The following SBF2 variants were observed in gnomAD, a reference collection of about 807,000 sequenced individuals.
SBF2 encodes myotubularin-related protein 13.
In SBF2, 112 loss-of-function variants were observed where a neutral mutation model predicts 225.2. That is an observed-to-expected ratio of 0.50 (90% CI 0.43 to 0.58). The LOEUF is 0.58. SBF2 is among the 20% of genes least tolerant of loss of function. The probability of loss-of-function intolerance (pLI) is 0.00; values close to 1 mark genes in which losing one functional copy is unlikely to be tolerated. For synonymous variants in SBF2, 763 were observed against 773.3 expected (o/e 0.99, Z 0.22); for missense variants, 1,996 against 2,206.2 (o/e 0.90, Z 1.91).
intron 1 of SBF2, among the ~76,000 whole-genome samples, chr11:10,214,417 A>G (rs893277334): frequency 3.9e-5 from 6 of 152,140 alleles, no homozygotes; most frequent in African/African-American, 1.2e-4. Context: ...AGGTCAGGAG[A>G]TCCAGACCAT....
intron 2 of SBF2, among the ~76,000 whole-genome samples, chr11:10,137,230 G>GT (rs1295140840): frequency 2.0e-5 from 3 of 152,236 alleles, no homozygotes; most frequent in Non-Finnish European, 2.9e-5. Context: ...AATACAATTA[G>GT]TTTTTGTACG....
chr11:9,926,567 TAGAA>T (rs1565013595), intron 16 of SBF2, among the ~76,000 whole-genome samples: 1 of 152,110 alleles, frequency 6.6e-6, no homozygotes, highest in East Asian at 1.9e-4. Flanking sequence ...TGATAGAAGT[TAGAA>T]AGCATTAAGA....
intron 1 of SBF2, among the ~76,000 whole-genome samples, chr11:10,227,847 A>G (rs914870592): frequency 2.1e-3 from 315 of 151,616 alleles, no homozygotes; most frequent in Non-Finnish European, 2.9e-3. Flanking sequence ...GTTTTTTCCA[A>G]TTCTGTGAAG....
chr11:9,824,260 TTGAAA>T (rs1854937024), intron 28 of SBF2, among the ~76,000 whole-genome samples: 2 of 151,890 alleles, frequency 1.3e-5, no homozygotes, highest in African/African-American at 4.8e-5. Context: ...GATAGTGTAG[TTGAAA>T]AAGATTGTTA....
At chr11:10,250,505 T>C (rs1288179960) in intron 1 of SBF2, among the ~76,000 whole-genome samples, 1 of 152,176 alleles carries the variant, frequency 6.6e-6, no homozygotes, top group South Asian at 2.1e-4. Flanking sequence ...TTGTGAAAAT[T>C]AGTTTAAAAC....
chr11:10,207,521 C>G (rs1957789698), intron 1 of SBF2, among the ~76,000 whole-genome samples: 1 of 152,084 alleles, frequency 6.6e-6, no homozygotes, highest in Non-Finnish European at 1.5e-5. Flanking sequence ...CATGCTTATT[C>G]CAACAACCTT....
intron 3 of SBF2, among the ~76,000 whole-genome samples, chr11:10,033,394 T>C (rs1229857286): frequency 6.6e-6 from 1 of 152,108 alleles, no homozygotes; most frequent in African/African-American, 2.4e-5. Flanking sequence ...TTCTTAAAGC[T>C]GCTCTTCAAT....
At chr11:9,951,384 G>A (rs914776845) in intron 16 of SBF2, among the ~76,000 whole-genome samples, 1 of 152,194 alleles carries the variant, frequency 6.6e-6, no homozygotes, top group African/African-American at 2.4e-5. Context: ...AAATGGGTCA[G>A]GATGGAGGTA....
At chr11:10,258,765 A>G (rs936838352) in intron 1 of SBF2, among the ~76,000 whole-genome samples, 15 of 152,190 alleles carry the variant, frequency 9.9e-5, no homozygotes, top group Non-Finnish European at 2.9e-5. Context: ...CATTCACTAC[A>G]TAGTCTGCCT....
intron 1 of SBF2, among the ~76,000 whole-genome samples, chr11:10,260,245 T>A (rs186654466): frequency 2.0e-5 from 3 of 152,310 alleles, no homozygotes; most frequent in Admixed American, 2.0e-4. Flanking sequence ...TCATCTTTCA[T>A]AAGTAATTAT....
chr11:10,123,607 G>A (rs1316895775), intron 2 of SBF2, among the ~76,000 whole-genome samples: 1 of 151,560 alleles, frequency 6.6e-6, no homozygotes, highest in Non-Finnish European at 1.5e-5. Context: ...AATGGTTATA[G>A]ATCTCCACTA....
chr11:9,947,150 A>G (rs895531461), intron 16 of SBF2, among the ~76,000 whole-genome samples: 4 of 152,226 alleles, frequency 2.6e-5, no homozygotes, highest in Non-Finnish European at 4.4e-5. Context: ...CCTATGGACA[A>G]CTATAATCAA....
At chr11:9,908,593 C>G (rs71463738) in intron 16 of SBF2, among the ~76,000 whole-genome samples, 55,391 of 151,808 alleles carry the variant, frequency 0.36, 10,970 homozygotes, top group African/African-American at 0.53. Flanking sequence ...CGCTACTGCA[C>G]TCCAGCCTAG....
intron 2 of SBF2, among the ~76,000 whole-genome samples, chr11:10,193,383 C>G (rs1345929755): frequency 2.6e-5 from 3 of 116,238 alleles, no homozygotes; most frequent in African/African-American, 9.9e-5. Flanking sequence ...GAGAGGGAGT[C>G]TTGCTCTGTC....
At chr11:10,179,080 A>G (rs1956608114) in intron 2 of SBF2, among the ~76,000 whole-genome samples, 1 of 149,666 alleles carries the variant, frequency 6.7e-6, no homozygotes. Flanking sequence ...CATTCTCAGT[A>G]AACTATCGCA....
intron 2 of SBF2, among the ~76,000 whole-genome samples, chr11:10,187,529 G>T (rs1047077726): frequency 1.7e-4 from 26 of 152,008 alleles, no homozygotes; most frequent in African/African-American, 5.8e-4. Flanking sequence ...TGCTCCAAAG[G>T]TGAAGTGGGA....
chr11:10,272,673 G>A (rs989461409), intron 1 of SBF2, among the ~76,000 whole-genome samples: 30 of 152,008 alleles, frequency 2.0e-4, no homozygotes, highest in Non-Finnish European at 3.2e-4. Flanking sequence ...TTGGAAGGCT[G>A]AGATTGGCTT....
At chr11:10,234,248 T>C (rs61889783) in intron 1 of SBF2, among the ~76,000 whole-genome samples, 16,122 of 152,182 alleles carry the variant, frequency 0.11, 1,010 homozygotes, top group Non-Finnish European at 0.11. Context: ...TACCCCTCAT[T>C]TTGATCTTGT....
chr11:10,088,361 G>A (rs1057218498), intron 2 of SBF2, among the ~76,000 whole-genome samples: 42 of 152,148 alleles, frequency 2.8e-4, no homozygotes, highest in Admixed American at 5.9e-4. Context: ...TCTAAGAGAT[G>A]TGGCCATTCC....
Sources: gnomAD v4.1 joint callset for allele counts (sites outside exome capture counted in the v4.1 genomes callset) on GRCh38, gnomAD v4.1.1 for gene constraint, MANE v1.5 for transcripts, NCBI Gene and HGNC (gene_info 2026-07-23, HGNC 2026-07-21) for gene names.